Variants in EPS15 observed in about 807,000 individuals in gnomAD.
EPS15 encodes the protein epidermal growth factor receptor substrate 15.
In EPS15, 72 loss-of-function variants were observed where a neutral mutation model predicts 113.8. The observed-to-expected ratio is 0.63, with a 90% CI of 0.52 to 0.77. The LOEUF (loss-of-function observed/expected upper bound fraction) is 0.77. Among genes scored for constraint, EPS15 ranks in the 30% least tolerant of loss-of-function variants. The pLI, the probability that EPS15 is intolerant of heterozygous loss-of-function variation, is 0.00. For missense variants in EPS15, 1,048 were observed against 1,045.8 expected, an observed-to-expected ratio of 1.00 and a Z score of -0.03; for synonymous variants, 344 against 363.4, an observed-to-expected ratio of 0.95 and a Z score of 0.61.
intron 7 of EPS15, among the ~76,000 whole-genome samples, chr1:51,462,295 A>G (rs113436173): frequency 0.03 from 4,545 of 151,854 alleles, 74 homozygotes; most frequent in African/African-American, 0.05. Context: ...CCCGGGAGGC[A>G]GAGGTTGTGG....
intron 1 of EPS15, among the ~76,000 whole-genome samples, chr1:51,504,532 C>T (rs541056491): frequency 6.6e-6 from 1 of 152,086 alleles, no homozygotes; most frequent in African/African-American, 2.4e-5. Context: ...GGACTTCTAT[C>T]TAGAATACAT....
At chr1:51,433,742 T>G (rs1651918520) in intron 12 of EPS15, among the ~76,000 whole-genome samples, 1 of 152,244 alleles carries the variant, frequency 6.6e-6, no homozygotes, top group African/African-American at 2.4e-5. Context: ...TTATTCTAAT[T>G]ATCTATCCTG....
intron 1 of EPS15, among the ~76,000 whole-genome samples, chr1:51,510,289 T>C (rs565830964): frequency 3.9e-5 from 6 of 152,250 alleles, no homozygotes; most frequent in Admixed American, 1.3e-4. Flanking sequence ...ATCCCAAAAT[T>C]TGACTGAAAT....
At chr1:51,417,788 A>C (rs1650382090) in intron 13 of EPS15, among the ~76,000 whole-genome samples, 2 of 152,244 alleles carry the variant, frequency 1.3e-5, no homozygotes, top group South Asian at 4.1e-4. Flanking sequence ...AAGTTATAAA[A>C]GTGGGAATAA....
intron 13 of EPS15, among the ~76,000 whole-genome samples, chr1:51,411,740 C>T (rs985211072): frequency 2.0e-5 from 3 of 152,130 alleles, no homozygotes; most frequent in East Asian, 1.9e-4. Context: ...GAAACAGGAA[C>T]GCTTTTACAC....
intron 1 of EPS15, among the ~76,000 whole-genome samples, chr1:51,508,358 A>G (rs544852610): frequency 1.3e-5 from 2 of 150,518 alleles, no homozygotes; most frequent in Non-Finnish European, 3.0e-5. Context: ...GAAAGAAAGA[A>G]AGAAAGAAAG....
intron 12 of EPS15, among the ~76,000 whole-genome samples, chr1:51,437,741 G>A (rs1029252557): frequency 6.6e-6 from 1 of 151,868 alleles, no homozygotes. Context: ...CCTCGGCCCC[G>A]CAAAGTACTG....
intron 1 of EPS15, among the ~76,000 whole-genome samples, chr1:51,517,409 C>T (rs755386707): frequency 1.6e-4 from 24 of 152,124 alleles, no homozygotes; most frequent in Non-Finnish European, 2.8e-4. Context: ...TGAAGCAATT[C>T]TCCAGAGATG....
chr1:51,471,506 CACTA>C (rs1454905023), intron 4 of EPS15, among the ~76,000 whole-genome samples, 180 bp downstream of exon 4: 50 of 152,322 alleles, frequency 3.3e-4, no homozygotes, highest in African/African-American at 1.1e-3. Context: ...ACCAAACTCA[CACTA>C]ACTGTTAAGA....
At chr1:51,381,413 T>C (rs1259754226) in intron 21 of EPS15, among the ~76,000 whole-genome samples, 1 of 151,972 alleles carries the variant, frequency 6.6e-6, no homozygotes, top group African/African-American at 2.4e-5. Flanking sequence ...GCCAACATGG[T>C]GAAACCCCGT....
intron 13 of EPS15, among the ~76,000 whole-genome samples, chr1:51,419,706 G>T (rs1194144362): frequency 6.6e-6 from 1 of 152,086 alleles, no homozygotes; most frequent in Non-Finnish European, 1.5e-5. Flanking sequence ...AAATTAGAAA[G>T]TAAGTATTGA....
Position 51,354,795 on chromosome 1 carries a change from A to G in EPS15, c.*1905T>C, listed in dbSNP as rs573580739. On this transcript the variant is annotated 3_prime_UTR_variant, in exon 25 of 25. Coordinates refer to ENST00000371733, the MANE Select transcript of EPS15 (RefSeq NM_001981.3). ...AAATCTATGTAATCCAGTTAAACAT[A>G]CATAAGATTAGGATACATTTATTAC... 70 of 195,366 alleles carry G rather than the reference A, an allele frequency of 3.6e-4. No homozygotes were observed. Among genetic ancestry groups the G allele is most frequent in the Middle Eastern group, 1.7e-3 (1 of 572 alleles). 12.1% of individuals were successfully genotyped at this position (195,366 alleles called of 1,614,324 possible).
At chr1:51,509,628 T>C (rs1368728639) in intron 1 of EPS15, among the ~76,000 whole-genome samples, 2 of 152,168 alleles carry the variant, frequency 1.3e-5, no homozygotes, top group Non-Finnish European at 2.9e-5. Flanking sequence ...GAGAGAATAT[T>C]AGCTTAAAAG....
chr1:51,516,166 G>A (rs976926366), intron 1 of EPS15, among the ~76,000 whole-genome samples: 2 of 152,084 alleles, frequency 1.3e-5, no homozygotes, highest in African/African-American at 4.8e-5. Flanking sequence ...AAGCACTAAA[G>A]AACCCAGAGA....
Position 51,408,136 on chromosome 1 carries a change from G to A in EPS15, c.1472C>T (p.Ser491Leu), listed in dbSNP as rs1287352768. 1 of 1,613,130 alleles carries A rather than the reference G, an allele frequency of 6.2e-7. No homozygotes were observed. The highest frequency in any genetic ancestry group is 1.3e-5 in the African/African-American group (1 of 74,914). The change falls in exon 15 of 25, where the codon TCA (serine) becomes TTA (leucine). Residue 491 changes from serine to leucine, a missense_variant and splice_region_variant. Coordinates refer to ENST00000371733, the MANE Select transcript of EPS15 (RefSeq NM_001981.3). The stretch of plus-strand genomic sequence containing the variant: ...ATTTCTTGCTTTACAAAGACTTACT[G>A]AACTAATTTCCTGTTGTGAATCTTG... Reference protein sequence around the residue: ...HLQDSQQEISSMQMKLMEMKD... With the variant: ...HLQDSQQEISLMQMKLMEMKD...
At position 51,403,478 on chromosome 1, in the gene EPS15, T is replaced by G. The variant is rs374032139; in HGVS notation, c.1732A>C (p.Thr578Pro). The change falls in exon 17 of 25, where the codon ACT becomes CCT. Residue 578 changes from threonine to proline, a missense_variant. Coordinates refer to ENST00000371733, the MANE Select transcript of EPS15 (RefSeq NM_001981.3). ...CAAACTTTTTCAGTAACAGCTGTAG[T>G]CACCTCATTTTCATCAGTCACACCA... ...PSGVTDENEVTTAVTEKVCSE... is the reference protein window; with the variant it reads ...PSGVTDENEVPTAVTEKVCSE... 6 of 1,610,622 alleles carry G rather than the reference T, an allele frequency of 3.7e-6. No homozygotes were observed. Among genetic ancestry groups the G allele is most frequent in the Non-Finnish European group, 5.1e-6 (6 of 1,178,402 alleles).
chr1:51,418,602 C>A (rs1217730223), intron 13 of EPS15, among the ~76,000 whole-genome samples: 1 of 151,942 alleles, frequency 6.6e-6, no homozygotes, highest in Non-Finnish European at 1.5e-5. Flanking sequence ...ATTGAAGAGT[C>A]CTATGTCCAA....
chr1:51,504,062 C>T (rs1644456773), intron 1 of EPS15, among the ~76,000 whole-genome samples: 1 of 152,048 alleles, frequency 6.6e-6, no homozygotes, highest in African/African-American at 2.4e-5. Flanking sequence ...AGCTATGTCA[C>T]CAAAAGCACA....
chr1:51,392,968 T>TA (rs1358075603), intron 21 of EPS15, among the ~76,000 whole-genome samples: 1 of 152,232 alleles, frequency 6.6e-6, no homozygotes, highest in Non-Finnish European at 1.5e-5. Context: ...CACATGTACT[T>TA]AAAAAATATG....
Sources: allele counts gnomAD v4.1 joint callset (sites outside exome capture counted in the v4.1 genomes callset), GRCh38; gene constraint gnomAD v4.1.1; transcripts MANE v1.5; gene names NCBI Gene and HGNC (gene_info 2026-07-23, HGNC 2026-07-21).